The following ROBO1 variants were observed in gnomAD, a reference collection of about 807,000 sequenced individuals.
ROBO1 encodes roundabout guidance receptor 1.
In ROBO1, 149 loss-of-function variants were observed where a neutral mutation model predicts 195.9. The observed-to-expected ratio is 0.76, with a 90% confidence interval of 0.67 to 0.87. The LOEUF (loss-of-function observed/expected upper bound fraction) is 0.87. Among genes scored for constraint, ROBO1 ranks in the 40% least tolerant of loss-of-function variants. The pLI is 0.00. For synonymous variants in ROBO1, 816 were observed against 733.2 expected (o/e 1.11, Z -1.82); for missense variants, 1,933 against 2,068.3 (o/e 0.93, Z 1.27).
rs370114135 is a variant in ROBO1 at position 79,429,651 on chromosome 3, T to C, written c.88+160173A>G. Among the ~76,000 whole-genome samples the C allele has an allele frequency of 1.1e-3, 172 of 152,288 alleles. 1 individual carries two copies. The highest frequency in any genetic ancestry group is 3.9e-3 in the African/African-American group (163 of 41,584). ...AAACACCCTGTTGGCTCTAAATTCT[T>C]AAGCTATTCAGGTTTGAAGCCAGAT... On this transcript the variant is annotated intron_variant, in intron 2 of 30. Coordinates refer to ENST00000464233, the MANE Select transcript of ROBO1 (RefSeq NM_002941.4).
At chr3:79,710,043 G>A (rs1433596999) in intron 1 of ROBO1, among the ~76,000 whole-genome samples, 1 of 152,066 alleles carries the variant, frequency 6.6e-6, no homozygotes, top group African/African-American at 2.4e-5. Context: ...CACTCTGAAT[G>A]AAGAAAGACA....
rs568333465 is a variant in ROBO1 at position 78,740,812 on chromosome 3, G to C, written c.657+5931C>G. Among the ~76,000 whole-genome samples, 3 of 152,166 alleles carry C rather than the reference G, an allele frequency of 2.0e-5. No homozygotes were observed. The East Asian group carries it at 5.8e-4, about 29-fold the overall frequency. ...CAATTGACTTTCATGACACACTTAT[G>C]CAGAAGAGCTAAATACAAGGCCTTA... On this transcript the variant is annotated intron_variant, in intron 5 of 30. Coordinates refer to ENST00000464233, the MANE Select transcript of ROBO1 (RefSeq NM_002941.4).
chr3:79,215,993 A>G (rs898663817), intron 2 of ROBO1, among the ~76,000 whole-genome samples: 3 of 152,142 alleles, frequency 2.0e-5, no homozygotes, highest in South Asian at 2.1e-4. Flanking sequence ...TCAGAAAAAA[A>G]AATTTAATAT....
rs764419005 is a variant in ROBO1 at position 78,733,565 on chromosome 3, A to AT, written c.657+13177dup. The stretch of plus-strand genomic sequence containing the variant: ...ATTGATATTTAAATATTTTTTCCAA[A>AT]TTAAAGATAAAATGTATAAACAATT... On this transcript the variant is annotated intron_variant, in intron 5 of 30. Coordinates refer to ENST00000464233, the MANE Select transcript of ROBO1 (RefSeq NM_002941.4). Among the ~76,000 whole-genome samples the AT allele has an allele frequency of 5.3e-4, 81 of 152,158 alleles. 1 individual carries two copies. The highest frequency in any genetic ancestry group is 9.1e-4 in the Non-Finnish European group (62 of 68,006).
At chr3:78,955,628 A>G (rs892667365) in intron 3 of ROBO1, among the ~76,000 whole-genome samples, 12 of 152,166 alleles carry the variant, frequency 7.9e-5, no homozygotes, top group Non-Finnish European at 1.3e-4. Flanking sequence ...AAAATCAATT[A>G]AAGTACTAAA....
intron 2 of ROBO1, among the ~76,000 whole-genome samples, chr3:79,510,104 G>T (rs1042043622): frequency 2.6e-5 from 4 of 152,038 alleles, no homozygotes; most frequent in Admixed American, 6.6e-5. Context: ...AGGAAATGGG[G>T]GCATTAAGAT....
chr3:79,096,253 T>G (rs1384384361), intron 3 of ROBO1, among the ~76,000 whole-genome samples: 1 of 151,948 alleles, frequency 6.6e-6, no homozygotes, highest in Non-Finnish European at 1.5e-5. Flanking sequence ...AAATCTAAAC[T>G]GTGCATCTGC....
chr3:78,670,225 G>T lies in ROBO1; in HGVS notation c.1419C>A (p.Val473=). 1 of 1,606,148 alleles carries T rather than the reference G, an allele frequency of 6.2e-7. No individual in the cohort carries two copies. The highest frequency in any genetic ancestry group is 8.5e-7 in the Non-Finnish European group (1 of 1,175,948). Reference sequence around the variant, plus strand: ...GACTGCCTGTGGCCACACAGCTGAGGACGAAAGTGCCATCCACGGCTACAG... The same window carrying T: ...GACTGCCTGTGGCCACACAGCTGAGTACGAAAGTGCCATCCACGGCTACAG... The part of the protein sequence containing the change: ...NQTVAVDGTF[V]LSCVATGSPV... The change falls in exon 11 of 31, where the codon GTC becomes GTA. Residue 473 remains valine, a synonymous_variant. Transcript: ENST00000464233.
chr3:79,145,404 C>G (rs985752320), intron 2 of ROBO1, among the ~76,000 whole-genome samples: 13 of 142,810 alleles, frequency 9.1e-5, no homozygotes, highest in Non-Finnish European at 1.4e-4. Context: ...CACACACACA[C>G]AGACATAAAT....
rs529517613 is a variant in ROBO1 at position 78,848,152 on chromosome 3, A to G, written c.499+90449T>C. 2.0e-5 allele frequency among the ~76,000 whole-genome samples: 3 copies of G among 152,310 alleles called. No homozygotes were observed. In the South Asian group the frequency reaches 6.2e-4, roughly 32 times the overall value. ...TTCTCAACAACCAAGGAAATATGTT[A>G]GTTCAAACTGGCCTATTAGCTATCT... On this transcript the variant is annotated intron_variant, in intron 4 of 30. Transcript: ENST00000464233.
At chr3:79,670,324 A>G (rs1459092022) in intron 1 of ROBO1, among the ~76,000 whole-genome samples, 2 of 151,898 alleles carry the variant, frequency 1.3e-5, no homozygotes, top group Non-Finnish European at 1.5e-5. Context: ...ACCTGCCATA[A>G]ATACAGCAGA....
chr3:78,650,672 G>GCCT (rs1706588465), intron 19 of ROBO1, among the ~76,000 whole-genome samples: 2 of 152,138 alleles, frequency 1.3e-5, no homozygotes, highest in Admixed American at 6.5e-5. Flanking sequence ...AGTTGGTGAT[G>GCCT]GTAGGGTAGG....
At chr3:79,484,067 T>G (rs944902398) in intron 2 of ROBO1, among the ~76,000 whole-genome samples, 15 of 152,172 alleles carry the variant, frequency 9.9e-5, no homozygotes, top group African/African-American at 3.6e-4. Flanking sequence ...TTAGCCAAGG[T>G]CACTCTTCCC....
intron 3 of ROBO1, among the ~76,000 whole-genome samples, chr3:79,012,156 C>A (rs1279207192): frequency 2.0e-5 from 3 of 152,314 alleles, no homozygotes; most frequent in African/African-American, 4.8e-5. Flanking sequence ...TTCTAGTAAA[C>A]CTTGCTCTAC....
intron 1 of ROBO1, among the ~76,000 whole-genome samples, chr3:79,714,968 T>C (rs1702425711): frequency 6.6e-6 from 1 of 151,898 alleles, no homozygotes; most frequent in African/African-American, 2.4e-5. Flanking sequence ...CTGCACATTG[T>C]GCACATGTAC....
intron 3 of ROBO1, chr3:79,018,529 G>A: frequency 3.1e-6 from 5 of 1,601,476 alleles, no homozygotes; most frequent in Non-Finnish European, 4.3e-6. Context: ...GTCCCCAAAT[G>A]TATGAAGCCA....
chr3:78,891,939 T>C (rs1430042944), intron 4 of ROBO1, among the ~76,000 whole-genome samples: 2 of 152,202 alleles, frequency 1.3e-5, no homozygotes, highest in Non-Finnish European at 1.5e-5. Flanking sequence ...AAGATAGGGA[T>C]TGACTGGAAA....
chr3:79,444,440 A>T (rs2039167780), intron 2 of ROBO1, among the ~76,000 whole-genome samples: 1 of 152,142 alleles, frequency 6.6e-6, no homozygotes. Context: ...ATTGGCAAAA[A>T]TGTAAAAGCC....
chr3:78,780,324 T>A (rs1321093738), intron 4 of ROBO1, among the ~76,000 whole-genome samples: 1 of 152,166 alleles, frequency 6.6e-6, no homozygotes, highest in East Asian at 1.9e-4. Flanking sequence ...AAGCAGCATA[T>A]TACAATAAGA....
Sources: gnomAD v4.1 joint callset for allele counts (sites outside exome capture counted in the v4.1 genomes callset) on GRCh38, gnomAD v4.1.1 for gene constraint, MANE v1.5 for transcripts, NCBI Gene and HGNC (gene_info 2026-07-23, HGNC 2026-07-21) for gene names.